Variants in EIF4G1 observed in about 807,000 individuals in gnomAD.
EIF4G1 encodes EIF4-gamma.
In EIF4G1, 4 loss-of-function variants were observed where a neutral mutation model predicts 187.8. The ratio of observed to expected loss-of-function variants is 0.02; its 90% CI spans 0.01 to 0.05. EIF4G1 has a LOEUF of 0.05. Ranked by LOEUF, EIF4G1 falls within the 10% of genes least tolerant of loss-of-function variation. EIF4G1 has a pLI of 1.00. For missense variants in EIF4G1, 1,647 were observed against 2,081.1 expected (o/e 0.79, Z 4.06); for synonymous variants, 844 against 781.4 (o/e 1.08, Z -1.34).
In EIF4G1 at chr3:184,324,763, C is replaced by T; in HGVS notation, c.2620-115C>T. ...TACAGGCATGAGCCACTATGCCCAG[C>T]CAGCCGGCCTCAGGACTGAGTGCTT... On this transcript the variant is annotated intron_variant, in intron 17 of 32. Transcript: ENST00000346169. 4 of 1,179,140 alleles carry T rather than the reference C, an allele frequency of 3.4e-6. 1 individual carries two copies. Among genetic ancestry groups the T allele is most frequent in the Non-Finnish European group, 5.0e-6 (4 of 800,032 alleles). The allele number at this position is 1,179,140 out of a possible 1,614,324, so 73.0% of individuals were successfully genotyped here.
chr3:184,332,193 T>C, intron 32 of EIF4G1, 107 bp downstream of exon 32: 3 of 1,487,796 alleles, frequency 2.0e-6, no homozygotes, highest in South Asian at 1.2e-5. Flanking sequence ...AGGTAGTCAT[T>C]AGAGAGCAAA....
rs1209980188 is a variant in EIF4G1, at chr3:184,331,433, G to C, written c.4261-39G>C. 4 of 1,614,044 alleles carry C rather than the reference G, an allele frequency of 2.5e-6. No homozygotes were observed. The African/African-American group carries it at 5.3e-5, about 22-fold the overall frequency. The stretch of plus-strand genomic sequence containing the variant: ...CAGTCTTCTTTCTTGTCTCCTGTTG[G>C]CAACCTTACCTCTTAACTGCGGGCC... On this transcript the variant is annotated intron_variant, in intron 29 of 32. Transcript: ENST00000346169.
At chr3:184,328,190 A>G in intron 26 of EIF4G1, 188 bp downstream of exon 26, 1 of 665,974 alleles carries the variant, frequency 1.5e-6, no homozygotes, top group South Asian at 1.7e-5. Flanking sequence ...TGAGGTTGGG[A>G]GTTCTAGACC....
chr3:184,327,637 C>T lies in EIF4G1; in HGVS notation c.3713C>T (p.Ser1238Phe), dbSNP rs1444706630. 1 of 1,614,202 alleles carries T rather than the reference C, an allele frequency of 6.2e-7. No individual in the cohort carries two copies. Among genetic ancestry groups the T allele is most frequent in the South Asian group, 1.1e-5 (1 of 91,088 alleles). The change falls in exon 25 of 33, where the codon TCT (serine) becomes TTT (phenylalanine). Residue 1238 changes from serine (S) to phenylalanine (F), a missense_variant. By Grantham distance (155) the Ser-to-Phe change is radical. Transcript: ENST00000346169. The part of the protein sequence containing the change: ...PPVSPLKAAL[S>F]EEELEKKSKA... ...GTGAGCCCCCTGAAGGCGGCTCTCT[C>T]TGAGGAGGAGTTAGAGAAGAAATCC...
At chr3:184,333,575 G>A (rs780906524) in intron 32 of EIF4G1, among the ~76,000 whole-genome samples, 2 of 152,128 alleles carry the variant, frequency 1.3e-5, no homozygotes, top group Non-Finnish European at 2.9e-5. Flanking sequence ...TGCTGTGAGC[G>A]TTTGTAGGAG....
chr3:184,325,277 G>C lies in EIF4G1; in HGVS notation c.2865G>C (p.Met955Ile). The C allele has an allele frequency of 6.2e-7, 1 of 1,614,098 alleles. No homozygotes were observed. The highest frequency in any genetic ancestry group is 2.2e-5 in the East Asian group (1 of 44,880). ...GCCTTTCTCCTTCCTAGCCCCGAAT[G>C]GATCAGTATTTCAACCAGATGGAAA... ...DLDFEKAKPR[M>I]DQYFNQMEKI... Residue 955 changes from methionine to isoleucine, a missense_variant, in exon 19 of 33, where the codon ATG becomes ATC. By Grantham distance (10) the Met-to-Ile change is conservative (BLOSUM62 1). Around this residue, in one of 11 missense-constraint regions of EIF4G1, gnomAD observed 142 missense variants for 296.6 expected, o/e 0.48. Coordinates refer to ENST00000346169, the MANE Select transcript of EIF4G1 (RefSeq NM_198241.3). The surrounding 1 kb of genome is among the most constrained non-coding windows in gnomAD (Gnocchi z 5.2).
chr3:184,327,525 T>C, intron 24 of EIF4G1, 61 bp from the exon 25 acceptor site: 2 of 1,612,692 alleles, frequency 1.2e-6, no homozygotes, highest in Non-Finnish European at 1.7e-6. Context: ...TTTTGAGAGC[T>C]CCAAATCTTG....
At chr3:184,330,169 G>T (rs1725769659) in intron 28 of EIF4G1, among the ~76,000 whole-genome samples, 1 of 152,182 alleles carries the variant, frequency 6.6e-6, no homozygotes, top group Non-Finnish European at 1.5e-5. Context: ...GTGAGGTCAG[G>T]AGTTGGAAAC....
At chr3:184,319,902 A>G (rs1723560578) in intron 7 of EIF4G1, 101 bp downstream of exon 7, 3 of 859,088 alleles carry the variant, frequency 3.5e-6, no homozygotes, top group Non-Finnish European at 5.8e-6. Flanking sequence ...TTGAGGAGGA[A>G]GGAGCTGAGA....
At chr3:184,316,309 C>T in intron 4 of EIF4G1, 91 bp downstream of exon 4, 2 of 1,494,186 alleles carry the variant, frequency 1.3e-6, no homozygotes, top group Non-Finnish European at 1.8e-6. Context: ...ACTGGAGGCC[C>T]CATACCTGGC....
intron 22 of EIF4G1, 54 bp from the exon 23 acceptor site, chr3:184,326,827 A>T: frequency 6.2e-7 from 1 of 1,607,822 alleles, no homozygotes; most frequent in African/African-American, 1.3e-5. Context: ...CAAGTAGGGG[A>T]TAAAATGCAG....
At chr3:184,333,648 T>G (rs2108528128) in intron 32 of EIF4G1, among the ~76,000 whole-genome samples, 1 of 152,188 alleles carries the variant, frequency 6.6e-6, no homozygotes. Context: ...GCAAAAACAG[T>G]ATTTAGTGGG....
intron 4 of EIF4G1, 26 bp from the exon 5 acceptor site, chr3:184,317,295 C>T (rs370719333): frequency 2.5e-6 from 4 of 1,613,386 alleles, no homozygotes; most frequent in African/African-American, 2.7e-5. Context: ...CTTTACAATG[C>T]CAACTGCTTT....
chr3:184,326,844 A>C (rs1435727699), intron 22 of EIF4G1, 37 bp from the exon 23 acceptor site: 2 of 1,612,534 alleles, frequency 1.2e-6, no homozygotes, highest in Non-Finnish European at 1.7e-6. Context: ...GCAGGAAAGG[A>C]GAAAAAGATT....
In EIF4G1 at chr3:184,335,095, G is replaced by C; in HGVS notation, c.*187G>C. 2.9e-6 allele frequency: 2 copies of C among 695,902 alleles called. No individual in the cohort carries two copies. Among genetic ancestry groups the C allele is most frequent in the Non-Finnish European group, 4.8e-6 (2 of 413,368 alleles). The allele number at this position is 695,902 out of a possible 1,614,324, so 43.1% of individuals were successfully genotyped here. A position where few individuals can be genotyped will look rare whatever the true frequency, so the allele number is the denominator to read the frequency against. ...TGCCTGGGCCCCCCTCCAGGATGCC[G>C]CCAGGTGTCCCTCTCCTCCCCCTGG... On this transcript the variant is annotated 3_prime_UTR_variant, in exon 33 of 33. Coordinates refer to ENST00000346169, the MANE Select transcript of EIF4G1 (RefSeq NM_198241.3).
At chr3:184,327,106 G>A in intron 23 of EIF4G1, 110 bp from the exon 24 acceptor site, 1 of 1,563,394 alleles carries the variant, frequency 6.4e-7, no homozygotes, top group Non-Finnish European at 8.8e-7. Context: ...TTAGATTGGG[G>A]CATACTCATT....
At chr3:184,326,473 C>T (rs1246538255) in intron 21 of EIF4G1, 54 bp from the exon 22 acceptor site, 1 of 1,596,680 alleles carries the variant, frequency 6.3e-7, no homozygotes, top group African/African-American at 1.3e-5. Context: ...GTGGTGCTGG[C>T]CAAGGGACTC....
At chr3:184,329,927 C>CGA (rs1560229278) in intron 28 of EIF4G1, among the ~76,000 whole-genome samples, 2 of 152,206 alleles carry the variant, frequency 1.3e-5, no homozygotes, top group African/African-American at 2.4e-5. Context: ...GGAGGAATCA[C>CGA]ACTTGGGATT....
Position 184,335,051 on chromosome 3 carries a change from A to G in EIF4G1, c.*143A>G. ...GTCTGAACTAATAAAGTGGCTGAAGAGGCAGGATGGCTTGGGGCTGCCTGG... is the reference window on the plus strand; with the variant it reads ...GTCTGAACTAATAAAGTGGCTGAAGGGGCAGGATGGCTTGGGGCTGCCTGG... On this transcript the variant is annotated 3_prime_UTR_variant, in exon 33 of 33. Transcript: ENST00000346169. 8.2e-7 allele frequency: 1 copy of G among 1,221,360 alleles called. No individual in the cohort carries two copies. The highest frequency in any genetic ancestry group is 1.1e-6 in the Non-Finnish European group (1 of 870,880). The allele number at this position is 1,221,360 out of a possible 1,614,324, so 75.7% of individuals were successfully genotyped here. A position where few individuals can be genotyped will look rare whatever the true frequency, so the allele number is the denominator to read the frequency against.
Sources: allele counts gnomAD v4.1 joint callset (sites outside exome capture counted in the v4.1 genomes callset), GRCh38; gene constraint gnomAD v4.1.1; regional missense constraint gnomAD v4.1.1; non-coding constraint Gnocchi (gnomAD v3.1); transcripts MANE v1.5; gene names NCBI Gene and HGNC (gene_info 2026-07-23, HGNC 2026-07-21).